Variants in NEDD4L observed in about 807,000 individuals in gnomAD.
NEDD4L encodes NEDD4 like E3 ubiquitin protein ligase.
Under a neutral mutation model 148.9 loss-of-function variants are expected in NEDD4L, and 54 were observed. The observed-to-expected ratio is 0.36, with a 90% CI of 0.29 to 0.45. The LOEUF (loss-of-function observed/expected upper bound fraction) is 0.45. NEDD4L is among the 20% of genes least tolerant of loss of function. The probability of loss-of-function intolerance (pLI) is 1.00; values close to 1 mark genes in which losing one functional copy is unlikely to be tolerated. For missense variants in NEDD4L, 856 were observed against 1,233.8 expected (o/e 0.69, Z 4.59); for synonymous variants, 433 against 440.7 (o/e 0.98, Z 0.22).
At chr18:58,222,483 G>C (rs2043880522) in intron 2 of NEDD4L, among the ~76,000 whole-genome samples, 1 of 152,078 alleles carries the variant, frequency 6.6e-6, no homozygotes, top group Non-Finnish European at 1.5e-5. Flanking sequence ...TTTCCCTCAG[G>C]TTTTCTATCA....
In NEDD4L at chr18:58,256,533, C is replaced by G; in HGVS notation, c.297+4479C>G. 1.6e-6 allele frequency: 2 copies of G among 1,232,282 alleles called. No homozygotes were observed. The highest frequency in any genetic ancestry group is 2.0e-6 in the Non-Finnish European group (2 of 988,074). 76.3% of individuals were successfully genotyped at this position (1,232,282 alleles called of 1,614,324 possible). On this transcript the variant is annotated intron_variant, in intron 5 of 30. Transcript: ENST00000400345. This position sits in a 1 kb window ranked among gnomAD's most constrained non-coding sequence, Gnocchi z 5.2. ...CCCCGAAGCGAGCGAGGGAGCCCCACGGAAGATCGGGGAGCCCTGGAGGCA... is the reference window on the plus strand; with the variant it reads ...CCCCGAAGCGAGCGAGGGAGCCCCAGGGAAGATCGGGGAGCCCTGGAGGCA...
intron 1 of NEDD4L, among the ~76,000 whole-genome samples, chr18:58,049,743 G>C (rs1015037810): frequency 6.6e-6 from 1 of 152,126 alleles, no homozygotes; most frequent in East Asian, 1.9e-4. Context: ...TTGGGAGGCC[G>C]AGGCAGGAGA....
intron 1 of NEDD4L, among the ~76,000 whole-genome samples, chr18:58,080,695 A>AG (rs1417420097): frequency 6.6e-6 from 1 of 152,218 alleles, no homozygotes; most frequent in Non-Finnish European, 1.5e-5. Flanking sequence ...AAGGAGCGAG[A>AG]GGGTGGTGTG....
At chr18:58,342,859 G>T in intron 15 of NEDD4L, 47 bp from the exon 16 acceptor site, 1 of 1,432,730 alleles carries the variant, frequency 7.0e-7, no homozygotes, top group Middle Eastern at 1.8e-4. Context: ...TTGGCACATT[G>T]GAATCGCACA....
At chr18:58,106,999 G>A (rs1036919667) in intron 1 of NEDD4L, among the ~76,000 whole-genome samples, 1 of 152,140 alleles carries the variant, frequency 6.6e-6, no homozygotes, top group African/African-American at 2.4e-5. Flanking sequence ...TATAATCTTG[G>A]ATGTTGGAAG....
intron 1 of NEDD4L, among the ~76,000 whole-genome samples, chr18:58,100,337 A>T (rs1290826498): frequency 6.6e-6 from 1 of 152,336 alleles, no homozygotes; most frequent in East Asian, 1.9e-4. Flanking sequence ...GTTCCCTTAG[A>T]GGCCAGAGTA....
At chr18:58,350,555 T>C (rs2043748151) in intron 17 of NEDD4L, among the ~76,000 whole-genome samples, 1 of 152,242 alleles carries the variant, frequency 6.6e-6, no homozygotes, top group Non-Finnish European at 1.5e-5. Context: ...CAAAAGTTCA[T>C]GGTGGATAAT....
intron 18 of NEDD4L, among the ~76,000 whole-genome samples, chr18:58,356,588 C>G (rs1267611658): frequency 6.6e-6 from 1 of 152,196 alleles, no homozygotes; most frequent in African/African-American, 2.4e-5. Flanking sequence ...CACCTTTTGC[C>G]AGTGTGACCA....
chr18:58,282,563 A>G (rs779272185), intron 5 of NEDD4L, among the ~76,000 whole-genome samples: 1 of 152,208 alleles, frequency 6.6e-6, no homozygotes, highest in Non-Finnish European at 1.5e-5. Flanking sequence ...GAACGAATGA[A>G]TTTTGGCTTA....
In NEDD4L at chr18:58,259,672, C is replaced by T. The variant is rs528686289; in HGVS notation, c.297+7618C>T. On this transcript the variant is annotated intron_variant, in intron 5 of 30. Transcript: ENST00000400345. ...CCCGTTACTTGGAAAGTTTCAGGGA[C>T]TATCTCAGTGTCTTGCTGACACAGT... Among the ~76,000 whole-genome samples the T allele has an allele frequency of 3.3e-5, 5 of 152,302 alleles. No homozygotes were observed. The East Asian group carries it at 9.6e-4, about 29-fold the overall frequency.
At chr18:58,387,551 C>G in intron 27 of NEDD4L, 53 bp downstream of exon 27, 1 of 1,414,532 alleles carries the variant, frequency 7.1e-7, no homozygotes, top group Non-Finnish European at 9.5e-7. Context: ...AAGTATCTCT[C>G]ATTACTTTAC....
intron 1 of NEDD4L, among the ~76,000 whole-genome samples, chr18:58,154,625 A>G (rs2146371975): frequency 6.6e-6 from 1 of 152,232 alleles, no homozygotes; most frequent in East Asian, 1.9e-4. Context: ...ATCTCTACTA[A>G]AAATACAAAA....
chr18:58,147,022 G>A (rs1164150268), intron 1 of NEDD4L, among the ~76,000 whole-genome samples: 3 of 152,154 alleles, frequency 2.0e-5, no homozygotes, highest in East Asian at 1.9e-4. Context: ...TAAAGGTGTC[G>A]GGCCCAGGAT....
At position 58,366,451 on chromosome 18, in the gene NEDD4L, A is replaced by G. The variant is rs558136109; in HGVS notation, c.2063+223A>G. The G allele has an allele frequency of 5.3e-5, 21 of 393,760 alleles. No homozygotes were observed. The highest frequency in any genetic ancestry group is 3.1e-4 in the African/African-American group (15 of 49,020). The allele number at this position is 393,760 out of a possible 1,614,324, so 24.4% of individuals were successfully genotyped here. ...CTAACATTGATTTTTTTTCTTGTCT[A>G]TTGGGTTCATGGAGTTGAAATTGAA... On this transcript the variant is annotated intron_variant, in intron 21 of 30. Coordinates refer to ENST00000400345, the MANE Select transcript of NEDD4L (RefSeq NM_001144967.3). This position sits in a 1 kb window ranked among gnomAD's most constrained non-coding sequence, Gnocchi z 4.2.
At chr18:58,108,983 A>G (rs1367451227) in intron 1 of NEDD4L, among the ~76,000 whole-genome samples, 6 of 152,258 alleles carry the variant, frequency 3.9e-5, no homozygotes, top group African/African-American at 1.4e-4. Flanking sequence ...TGCTAATGCT[A>G]TGCAAGAAGG....
At chr18:58,347,872 A>G (rs1264803402) in intron 16 of NEDD4L, among the ~76,000 whole-genome samples, 2 of 152,236 alleles carry the variant, frequency 1.3e-5, no homozygotes, top group African/African-American at 4.8e-5. Flanking sequence ...ATTTGGCAGC[A>G]GCAAAGGCCC....
chr18:58,220,585 T>C (rs1052599966), intron 2 of NEDD4L, among the ~76,000 whole-genome samples: 2 of 152,176 alleles, frequency 1.3e-5, no homozygotes, highest in Admixed American at 1.3e-4. Flanking sequence ...TGGGGGGAAC[T>C]GCAAGTCTAG....
chr18:58,218,925 C>T (rs1261598230), intron 2 of NEDD4L, among the ~76,000 whole-genome samples: 1 of 152,150 alleles, frequency 6.6e-6, no homozygotes, highest in East Asian at 1.9e-4. Flanking sequence ...GTGGTGGTAA[C>T]ATTGTGTTGG....
intron 2 of NEDD4L, among the ~76,000 whole-genome samples, chr18:58,167,300 G>A (rs954910774): frequency 6.6e-6 from 1 of 152,194 alleles, no homozygotes; most frequent in Non-Finnish European, 1.5e-5. Flanking sequence ...GATAAGCCAG[G>A]TCTCTAGGCA....
Sources: allele counts gnomAD v4.1 joint callset (sites outside exome capture counted in the v4.1 genomes callset), GRCh38; gene constraint gnomAD v4.1.1; non-coding constraint Gnocchi (gnomAD v3.1); transcripts MANE v1.5; gene names NCBI Gene and HGNC (gene_info 2026-07-23, HGNC 2026-07-21).